The following RIC3 variants were observed in gnomAD, a reference collection of about 807,000 sequenced individuals.
RIC3 encodes RIC3 acetylcholine receptor chaperone, also known as protein RIC-3.
A neutral mutation model predicts 27.3 loss-of-function variants in RIC3; 28 were observed. The observed-to-expected ratio is 1.02, with a 90% CI of 0.76 to 1.41. RIC3 has a LOEUF of 1.41. Ranked by LOEUF, RIC3 falls within the 40% of genes most tolerant of loss-of-function variation. The pLI is 0.00. For synonymous variants in RIC3, 184 were observed against 160.4 expected (o/e 1.15, Z -1.11); for missense variants, 501 against 444.7 (o/e 1.13, Z -1.14).
chr11:8,101,887 G>C (rs565082654), downstream of RIC3: 70 of 489,056 alleles, frequency 1.4e-4, no homozygotes, highest in East Asian at 2.4e-3. Flanking sequence ...CCCACCCTTG[G>C]GGTAGTAGTG....
chr11:8,101,448 C>T, downstream of RIC3: 1 of 1,606,652 alleles, frequency 6.2e-7, no homozygotes, highest in Non-Finnish European at 8.5e-7. Flanking sequence ...CATTCCTGTC[C>T]TGTCCTTTTC....
chr11:8,123,127 T>C (rs936400349), intron 5 of RIC3, among the ~76,000 whole-genome samples: 1 of 151,476 alleles, frequency 6.6e-6, no homozygotes, highest in African/African-American at 2.4e-5. Flanking sequence ...TTAGATACAG[T>C]AGAAGAAGAC....
intron 1 of RIC3, among the ~76,000 whole-genome samples, chr11:8,157,492 T>C (rs1316698597): frequency 1.3e-5 from 2 of 152,246 alleles, no homozygotes; most frequent in Non-Finnish European, 2.9e-5. Context: ...GCATTCTCCC[T>C]TGCTGCAATG....
intron 1 of RIC3, among the ~76,000 whole-genome samples, chr11:8,168,471 G>A (rs1190728000): frequency 6.6e-6 from 1 of 152,144 alleles, no homozygotes; most frequent in Non-Finnish European, 1.5e-5. Flanking sequence ...CAAGCGGCGC[G>A]TCAGAAAGTA....
At chr11:8,168,738 G>T in intron 1 of RIC3, 128 bp downstream of exon 1, 1 of 1,345,356 alleles carries the variant, frequency 7.4e-7, no homozygotes, top group Non-Finnish European at 9.8e-7. Flanking sequence ...CGTCTCGCCC[G>T]CCCTCTCCAG....
At chr11:8,147,794 C>A (rs1949853889) in intron 1 of RIC3, among the ~76,000 whole-genome samples, 1 of 144,934 alleles carries the variant, frequency 6.9e-6, no homozygotes, top group African/African-American at 2.6e-5. Flanking sequence ...GTGGCGCGAT[C>A]TCGGCTCATT....
At chr11:8,150,064 T>C (rs1950080361) in intron 1 of RIC3, among the ~76,000 whole-genome samples, 1 of 152,194 alleles carries the variant, frequency 6.6e-6, no homozygotes, top group Non-Finnish European at 1.5e-5. Context: ...ATGAAGGACG[T>C]GTTTCTCCTT....
the RIC3 span, chr11:8,100,883 C>T: frequency 6.2e-7 from 1 of 1,614,176 alleles, no homozygotes; most frequent in Non-Finnish European, 8.5e-7. Context: ...TATCATCGAG[C>T]TGCAAAACAA....
At chr11:8,165,881 C>T (rs776861446) in intron 1 of RIC3, among the ~76,000 whole-genome samples, 9 of 139,226 alleles carry the variant, frequency 6.5e-5, no homozygotes, top group African/African-American at 8.2e-5. Context: ...AAACTTCAAA[C>T]GATCCTCCCA....
chr11:8,097,935 A>C, the RIC3 span: 13 of 789,782 alleles, frequency 1.6e-5, no homozygotes, highest in Non-Finnish European at 2.7e-5. Context: ...AGGGATGGAT[A>C]CTCTCCCAGG....
At position 8,143,833 on chromosome 11, in the gene RIC3, A is replaced by G. The variant is rs542889115; in HGVS notation, c.125-3640T>C. On this transcript the variant is annotated intron_variant, in intron 1 of 5. Transcript: ENST00000309737. The stretch of plus-strand genomic sequence containing the variant: ...ATGGTACTGGTACCAAAACAGAGAT[A>G]TAGATCAATGGAACAGAACAGAGCC... Among the ~76,000 whole-genome samples, 3 of 152,210 alleles carry G rather than the reference A, an allele frequency of 2.0e-5. No individual in the cohort carries two copies. The East Asian group carries it at 5.8e-4, about 29-fold the overall frequency.
At chr11:8,101,758 G>C (rs1228071823), downstream of RIC3, 7 of 1,418,314 alleles carry the variant, frequency 4.9e-6, no homozygotes, top group Non-Finnish European at 3.7e-6. Flanking sequence ...CCCTGGCCCA[G>C]CCAGCCAGGA....
At chr11:8,152,323 C>A (rs1319606086) in intron 1 of RIC3, among the ~76,000 whole-genome samples, 3 of 152,166 alleles carry the variant, frequency 2.0e-5, no homozygotes, top group Non-Finnish European at 2.9e-5. Context: ...ATCTAAATGT[C>A]CATCAACTTA....
At chr11:8,164,236 C>G (rs891230298) in intron 1 of RIC3, among the ~76,000 whole-genome samples, 1 of 152,106 alleles carries the variant, frequency 6.6e-6, no homozygotes, top group East Asian at 1.9e-4. Context: ...AACTTGAAAA[C>G]ATAGGCATAA....
At chr11:8,166,301 T>C (rs1951690855) in intron 1 of RIC3, among the ~76,000 whole-genome samples, 1 of 152,328 alleles carries the variant, frequency 6.6e-6, no homozygotes, top group African/African-American at 2.4e-5. Context: ...GAATACATAG[T>C]GTCTATACAC....
chr11:8,093,956 A>G, the RIC3 span: 22 of 1,536,854 alleles, frequency 1.4e-5, no homozygotes, highest in Non-Finnish European at 1.9e-5. Context: ...GCAGTCAAAA[A>G]TGCTGTGCTG....
At chr11:8,160,869 A>C (rs1419886574) in intron 1 of RIC3, among the ~76,000 whole-genome samples, 2 of 152,240 alleles carry the variant, frequency 1.3e-5, no homozygotes, top group African/African-American at 4.8e-5. Context: ...AGACTGAAGA[A>C]AGGGACATAA....
intron 5 of RIC3, among the ~76,000 whole-genome samples, chr11:8,114,516 G>A (rs1945628618): frequency 6.6e-6 from 1 of 150,856 alleles, no homozygotes; most frequent in Admixed American, 6.6e-5. Context: ...TGAGGCAGAA[G>A]AATCGCTTGA....
chr11:8,094,987 A>G, the RIC3 span, among the ~76,000 whole-genome samples: 18 of 152,204 alleles, frequency 1.2e-4, no homozygotes. Context: ...AGGATGGGAG[A>G]TGCTCCATTT....
Sources: allele counts gnomAD v4.1 joint callset (sites outside exome capture counted in the v4.1 genomes callset), GRCh38; gene constraint gnomAD v4.1.1; transcripts MANE v1.5; gene names NCBI Gene and HGNC (gene_info 2026-07-23, HGNC 2026-07-21).